Variants in ALPK2 observed in about 807,000 individuals in gnomAD.
The protein encoded by ALPK2 is alpha kinase 2.
ALPK2 carries 127 observed loss-of-function variants against 163.1 expected under a neutral mutation model. The ratio of observed to expected loss-of-function variants is 0.78; its 90% CI spans 0.67 to 0.90. The LOEUF (loss-of-function observed/expected upper bound fraction) is 0.90, where lower values mean the gene tolerates loss of function less well. Ranked by LOEUF, ALPK2 falls within the 40% of genes least tolerant of loss-of-function variation. ALPK2 has a pLI of 0.00. For synonymous variants in ALPK2, 953 were observed against 959.1 expected, an observed-to-expected ratio of 0.99 and a Z score of 0.12; for missense variants, 2,360 against 2,589.6, an observed-to-expected ratio of 0.91 and a Z score of 1.92.
At chr18:58,583,737 CAAAAA>C (rs576126970) in intron 3 of ALPK2, among the ~76,000 whole-genome samples, 6 of 119,610 alleles carry the variant, frequency 5.0e-5, no homozygotes, top group Non-Finnish European at 5.3e-5. Context: ...GACTTTGTCT[CAAAAA>C]AAAAAAAAAA....
chr18:58,548,724 A>C (rs1383587642), intron 4 of ALPK2, among the ~76,000 whole-genome samples: 1 of 152,180 alleles, frequency 6.6e-6, no homozygotes. Context: ...AGACAGCTTC[A>C]TTCCAAAAAA....
chr18:58,521,885 C>T (rs1441811791), intron 8 of ALPK2, among the ~76,000 whole-genome samples: 1 of 152,080 alleles, frequency 6.6e-6, no homozygotes, highest in Non-Finnish European at 1.5e-5. Context: ...CCTCGGCCTT[C>T]CAAAGTGCTG....
At chr18:58,514,640 A>G (rs535705448) in intron 10 of ALPK2, among the ~76,000 whole-genome samples, 1 of 152,038 alleles carries the variant, frequency 6.6e-6, no homozygotes, top group South Asian at 2.1e-4. Flanking sequence ...GTTCTGTTCT[A>G]TTTGCTTACT....
chr18:58,592,565 T>C (rs1217619545), intron 3 of ALPK2, among the ~76,000 whole-genome samples: 1 of 151,994 alleles, frequency 6.6e-6, no homozygotes, highest in Non-Finnish European at 1.5e-5. Flanking sequence ...TCGCAGGAGG[T>C]AGGGCTGGGG....
At chr18:58,552,226 A>G (rs2051763653) in intron 4 of ALPK2, among the ~76,000 whole-genome samples, 1 of 151,892 alleles carries the variant, frequency 6.6e-6, no homozygotes, top group Non-Finnish European at 1.5e-5. Flanking sequence ...TCCCACCCCA[A>G]CCCCAGTTCT....
At chr18:58,549,143 T>A (rs576573072) in intron 4 of ALPK2, among the ~76,000 whole-genome samples, 1 of 152,332 alleles carries the variant, frequency 6.6e-6, no homozygotes, top group Admixed American at 6.5e-5. Flanking sequence ...CATCTTTTGT[T>A]TTAACCACAA....
intron 7 of ALPK2, 30 bp downstream of exon 7, chr18:58,523,905 A>C: frequency 6.2e-7 from 1 of 1,614,122 alleles, no homozygotes; most frequent in Non-Finnish European, 8.5e-7. Context: ...GGCAGGGGCC[A>C]GTGGTTTTTC....
intron 10 of ALPK2, among the ~76,000 whole-genome samples, chr18:58,506,830 G>A (rs1055374699): frequency 6.6e-6 from 1 of 152,268 alleles, no homozygotes; most frequent in Non-Finnish European, 1.5e-5. Flanking sequence ...TCCTGTGCAC[G>A]TAGCCTGTTT....
chr18:58,487,060 T>C (rs2051342670), intron 12 of ALPK2, among the ~76,000 whole-genome samples: 1 of 152,202 alleles, frequency 6.6e-6, no homozygotes, highest in Non-Finnish European at 1.5e-5. Flanking sequence ...ATCCTTTTCA[T>C]GTTGGATAGA....
chr18:58,547,553 ACAGACCTAGTCCAAGC>A (rs1240157262), intron 4 of ALPK2, among the ~76,000 whole-genome samples: 1 of 152,236 alleles, frequency 6.6e-6, no homozygotes, highest in Non-Finnish European at 1.5e-5. Context: ...CTAGAGGCTT[ACAGACCTAGTCCAAGC>A]CAGTGAAAAT....
rs200144023 is a variant in ALPK2 at position 58,541,767 on chromosome 18, GT to G, written c.1963-3544del. The stretch of plus-strand genomic sequence containing the variant: ...CATAAATTTGATTTTAACCAATGGG[GT>G]TTTTTTTGAAGTGAAGCCTTTAACA... On this transcript the variant is annotated intron_variant, in intron 4 of 12. Transcript: ENST00000361673. 7.1e-3 allele frequency among the ~76,000 whole-genome samples: 1,085 copies of G among 152,000 alleles called. 12 individuals are homozygous for G. Among genetic ancestry groups the G allele is most frequent in the African/African-American group, 0.022 (923 of 41,456 alleles).
At chr18:58,490,851 C>T (rs1233629714) in intron 12 of ALPK2, among the ~76,000 whole-genome samples, 1 of 152,090 alleles carries the variant, frequency 6.6e-6, no homozygotes, top group Non-Finnish European at 1.5e-5. Flanking sequence ...CAGAGAAGAG[C>T]CCAGGGGAGG....
At chr18:58,560,017 G>A (rs895976297) in intron 4 of ALPK2, among the ~76,000 whole-genome samples, 1 of 152,186 alleles carries the variant, frequency 6.6e-6, no homozygotes, top group Non-Finnish European at 1.5e-5. Flanking sequence ...GGTGTCAGGA[G>A]GGCCATGTCC....
intron 4 of ALPK2, among the ~76,000 whole-genome samples, chr18:58,548,055 C>T (rs1326191520): frequency 2.6e-5 from 4 of 152,172 alleles, no homozygotes; most frequent in Non-Finnish European, 5.9e-5. Flanking sequence ...TTCTTGTAAA[C>T]TTTAGAAGCA....
At chr18:58,520,201 G>A (rs2051542536) in intron 8 of ALPK2, among the ~76,000 whole-genome samples, 1 of 152,006 alleles carries the variant, frequency 6.6e-6, no homozygotes, top group South Asian at 2.1e-4. Context: ...GCCAAGTCAG[G>A]TGAATCACCT....
At chr18:58,623,085 G>A (rs1300525997) in intron 1 of ALPK2, among the ~76,000 whole-genome samples, 1 of 152,154 alleles carries the variant, frequency 6.6e-6, no homozygotes, top group Non-Finnish European at 1.5e-5. Context: ...AGCAAGTCCA[G>A]TCAGAAAAAA....
intron 12 of ALPK2, among the ~76,000 whole-genome samples, chr18:58,491,030 C>A (rs751100561): frequency 1.4e-4 from 21 of 152,230 alleles, no homozygotes; most frequent in Non-Finnish European, 2.5e-4. Context: ...AGATAAGCAG[C>A]CTGAGATTCG....
chr18:58,500,176 G>A (rs1380631352), intron 11 of ALPK2, among the ~76,000 whole-genome samples: 4 of 151,020 alleles, frequency 2.6e-5, no homozygotes, highest in South Asian at 2.1e-4. Context: ...TTTCAAAGCC[G>A]CTAATAACTC....
chr18:58,610,971 G>C (rs182458720), intron 2 of ALPK2, among the ~76,000 whole-genome samples: 3 of 151,450 alleles, frequency 2.0e-5, no homozygotes, highest in African/African-American at 4.9e-5. Flanking sequence ...GCGGGTGCCT[G>C]TAATCTCAGC....
Sources: allele counts gnomAD v4.1 joint callset (sites outside exome capture counted in the v4.1 genomes callset), GRCh38; gene constraint gnomAD v4.1.1; transcripts MANE v1.5; gene names NCBI Gene and HGNC (gene_info 2026-07-23, HGNC 2026-07-21).